Variants in RPH3A observed in about 807,000 individuals in gnomAD.
RPH3A encodes rabphilin-3A.
Under a neutral mutation model 102.2 loss-of-function variants are expected in RPH3A, and 48 were observed. That is an observed-to-expected ratio of 0.47 (90% CI 0.37 to 0.60). RPH3A has a LOEUF of 0.60. Ranked by LOEUF, RPH3A falls within the 20% of genes least tolerant of loss-of-function variation. The pLI is 0.00. For synonymous variants in RPH3A, 310 were observed against 324.3 expected, an observed-to-expected ratio of 0.96 and a Z score of 0.47; for missense variants, 781 against 910.1, an observed-to-expected ratio of 0.86 and a Z score of 1.83.
At chr12:112,663,366 T>C (rs2040063220) in intron 1 of RPH3A, among the ~76,000 whole-genome samples, 1 of 151,884 alleles carries the variant, frequency 6.6e-6, no homozygotes, top group Non-Finnish European at 1.5e-5. Flanking sequence ...TGTGTTACCA[T>C]GCCTGACTAA....
intron 1 of RPH3A, among the ~76,000 whole-genome samples, chr12:112,769,691 T>A (rs2136071604): frequency 6.6e-6 from 1 of 152,316 alleles, no homozygotes; most frequent in African/African-American, 2.4e-5. Flanking sequence ...GGAGGCAGAT[T>A]CTAGACTTTA....
At chr12:112,703,786 G>A (rs112440388) in intron 1 of RPH3A, among the ~76,000 whole-genome samples, 1 of 152,202 alleles carries the variant, frequency 6.6e-6, no homozygotes, top group Non-Finnish European at 1.5e-5. Flanking sequence ...AAAAACCCTA[G>A]CCCCAAACTC....
At chr12:112,604,884 G>T (rs181468925) in intron 1 of RPH3A, among the ~76,000 whole-genome samples, 14 of 152,310 alleles carry the variant, frequency 9.2e-5, no homozygotes, top group Non-Finnish European at 1.5e-5. Context: ...ATGGCAGCTG[G>T]CCACCCCCAG....
intron 1 of RPH3A, among the ~76,000 whole-genome samples, chr12:112,654,341 C>T (rs2039996116): frequency 6.6e-6 from 1 of 152,064 alleles, no homozygotes; most frequent in Non-Finnish European, 1.5e-5. Context: ...ATCTACTAAA[C>T]CTGTCCCTGT....
rs530521704 is a variant in RPH3A at position 112,588,735 on chromosome 12, G to A, written c.-140+13416G>A. ...GCCTTCTCCAAGGCCAGTTAAGCCC[G>A]TTTTCTGGGGGTGTGGGGCCTGTGG... On this transcript the variant is annotated intron_variant, in intron 1 of 21. Transcript: ENST00000543106. Among the ~76,000 whole-genome samples the A allele has an allele frequency of 1.7e-3, 260 of 152,282 alleles. 1 individual carries two copies. Among genetic ancestry groups the A allele is most frequent in the Non-Finnish European group, 3.3e-3 (222 of 68,032 alleles).
chr12:112,639,826 A>G (rs1200541426), intron 1 of RPH3A, among the ~76,000 whole-genome samples: 2 of 152,194 alleles, frequency 1.3e-5, no homozygotes, highest in East Asian at 3.9e-4. Flanking sequence ...AGTGTTCCGC[A>G]TGACGTCTGG....
intron 3 of RPH3A, chr12:112,831,867 T>C (rs1222310141): frequency 4.4e-6 from 2 of 455,662 alleles, no homozygotes; most frequent in South Asian, 1.5e-5. Flanking sequence ...AGCCCTTCTT[T>C]TTGATGTTCT....
At chr12:112,663,090 AAGAG>A (rs1265071786) in intron 1 of RPH3A, among the ~76,000 whole-genome samples, 10 of 79,278 alleles carry the variant, frequency 1.3e-4, no homozygotes, top group East Asian at 4.3e-4. Flanking sequence ...GTGTGTGTGA[AAGAG>A]AGAGAGAGAG....
intron 5 of RPH3A, among the ~76,000 whole-genome samples, chr12:112,861,379 G>C (rs1349436783): frequency 1.3e-5 from 2 of 152,252 alleles, no homozygotes; most frequent in Non-Finnish European, 2.9e-5. Flanking sequence ...AGATGGGCTA[G>C]AACCAGCCAG....
chr12:112,876,686 G>A lies in RPH3A; in HGVS notation c.991G>A (p.Glu331Lys), dbSNP rs748161293. ...DPGTTAPPRE[E>K]RTGGVGGYPA... ...TGGGACCACTGCCCCACCCCGAGAG[G>A]AGAGAACAGGGGGAGTCGGGGGCTA... Residue 331 changes from glutamate to lysine, a missense_variant, in exon 13 of 22, where the codon GAG (glutamate) becomes AAG (lysine). This residue lies in a region of RPH3A where 730 missense variants were observed against 810.0 expected (regional missense o/e 0.90). Transcript: ENST00000389385. The A allele has an allele frequency of 4.3e-6, 7 of 1,613,222 alleles. No individual in the cohort carries two copies. The highest frequency in any genetic ancestry group is 5.9e-6 in the Non-Finnish European group (7 of 1,179,614).
At chr12:112,657,226 C>T (rs2040019154) in intron 1 of RPH3A, among the ~76,000 whole-genome samples, 1 of 151,784 alleles carries the variant, frequency 6.6e-6, no homozygotes, top group Non-Finnish European at 1.5e-5. Flanking sequence ...GTTTGTTGGC[C>T]ACTTGTATGT....
intron 1 of RPH3A, among the ~76,000 whole-genome samples, chr12:112,779,396 C>A (rs1231373484): frequency 6.6e-6 from 1 of 152,186 alleles, no homozygotes; most frequent in East Asian, 1.9e-4. Context: ...AGCATGGCCT[C>A]ATTTGCACTG....
Position 112,897,737 on chromosome 12 carries a change from G to C in RPH3A, c.*957G>C, listed in dbSNP as rs571564826. Reference sequence around the variant, plus strand: ...CCACTTGGGCCCACGCTTCTTAACTGACCCACTCCTCCCGTTGGCAGAACC... The same window carrying C: ...CCACTTGGGCCCACGCTTCTTAACTCACCCACTCCTCCCGTTGGCAGAACC... On this transcript the variant is annotated 3_prime_UTR_variant, in exon 22 of 22. Transcript: ENST00000389385. 10 of 152,502 alleles carry C rather than the reference G, an allele frequency of 6.6e-5. No individual in the cohort carries two copies. The highest frequency in any genetic ancestry group is 2.4e-4 in the African/African-American group (10 of 41,570). The allele number at this position is 152,502 out of a possible 1,614,324, so 9.4% of individuals were successfully genotyped here.
At chr12:112,769,194 T>G (rs948308079) in intron 1 of RPH3A, among the ~76,000 whole-genome samples, 2 of 152,222 alleles carry the variant, frequency 1.3e-5, no homozygotes, top group African/African-American at 4.8e-5. Flanking sequence ...TTCAATCTTT[T>G]CATTTCCCTC....
chr12:112,870,168 TC>T, intron 10 of RPH3A, 129 bp downstream of exon 10: 1 of 897,674 alleles, frequency 1.1e-6, no homozygotes, highest in Non-Finnish European at 1.6e-6. Context: ...CGTGTTCTAT[TC>T]CAGATACTGG....
At chr12:112,878,344 C>T (rs1265449641) in intron 13 of RPH3A, among the ~76,000 whole-genome samples, 1 of 152,178 alleles carries the variant, frequency 6.6e-6, no homozygotes, top group Non-Finnish European at 1.5e-5. Flanking sequence ...CTGTTATTAA[C>T]TTATCCCGGC....
At chr12:112,737,428 C>T (rs1385051592) in intron 1 of RPH3A, among the ~76,000 whole-genome samples, 2 of 152,126 alleles carry the variant, frequency 1.3e-5, no homozygotes, top group African/African-American at 2.4e-5. Context: ...TAGTAAGACT[C>T]TATGAGTCTA....
chr12:112,784,608 G>A (rs1056709014), intron 1 of RPH3A, among the ~76,000 whole-genome samples: 14 of 152,316 alleles, frequency 9.2e-5, no homozygotes, highest in South Asian at 4.1e-4. Context: ...ACATTGACCA[G>A]GCATCAGATT....
chr12:112,813,614 C>T (rs1199891041), intron 2 of RPH3A, among the ~76,000 whole-genome samples: 1 of 152,096 alleles, frequency 6.6e-6, no homozygotes, highest in African/African-American at 2.4e-5. Flanking sequence ...AAATGTGATT[C>T]GGGAGAGGTG....
Sources: allele counts gnomAD v4.1 joint callset (sites outside exome capture counted in the v4.1 genomes callset), GRCh38; gene constraint gnomAD v4.1.1; regional missense constraint gnomAD v4.1.1; transcripts MANE v1.5; gene names NCBI Gene and HGNC (gene_info 2026-07-23, HGNC 2026-07-21).